Variants in PTPRC observed in about 807,000 individuals in gnomAD.
PTPRC encodes protein tyrosine phosphatase receptor type C, also known as receptor-type tyrosine-protein phosphatase C.
In PTPRC, 44 loss-of-function variants were observed where a neutral mutation model predicts 155.9. The ratio of observed to expected loss-of-function variants is 0.28; its 90% CI spans 0.22 to 0.36. The LOEUF is 0.36. Ranked by LOEUF, PTPRC falls within the 10% of genes least tolerant of loss-of-function variation. The pLI, the probability that PTPRC is intolerant of heterozygous loss-of-function variation, is 1.00. For missense variants in PTPRC, 1,401 were observed against 1,564.6 expected (o/e 0.90, Z 1.76); for synonymous variants, 525 against 533.1 (o/e 0.98, Z 0.21).
chr1:198,703,167 G>A (rs1319162546), intron 6 of PTPRC, 131 bp from the exon 7 acceptor site: 33 of 1,218,998 alleles, frequency 2.7e-5, no homozygotes, highest in Admixed American at 4.0e-5. Context: ...AAAAACAAGC[G>A]AATGTCAAAT....
At chr1:198,747,218 T>C (rs989124351) in intron 26 of PTPRC, among the ~76,000 whole-genome samples, 3 of 150,412 alleles carry the variant, frequency 2.0e-5, no homozygotes, top group African/African-American at 7.3e-5. Context: ...GAAAAGTTAT[T>C]AGAGCAACCA....
In PTPRC at chr1:198,749,422, A is replaced by G; in HGVS notation, c.2945A>G (p.Tyr982Cys). 1.9e-6 allele frequency: 3 copies of G among 1,608,812 alleles called. No individual in the cohort carries two copies. The highest frequency in any genetic ancestry group is 2.2e-5 in the South Asian group (2 of 90,966). The stretch of plus-strand genomic sequence containing the variant: ...ACTGATTTATTTCACATAGATGACT[A>G]TAACAGAGTGCCACTTAAACATGAG... ...NRNSNVIPYDYNRVPLKHELE... is the reference protein window; with the variant it reads ...NRNSNVIPYDCNRVPLKHELE... Residue 982 changes from tyrosine to cysteine, a missense_variant, in exon 28 of 33, where the codon TAT becomes TGT. Physicochemically the swap from Tyr to Cys is radical, Grantham distance 194 (BLOSUM62 -2). Coordinates refer to ENST00000442510, the MANE Select transcript of PTPRC (RefSeq NM_002838.5).
Position 198,756,527 on chromosome 1 carries a change from C to T in PTPRC, c.*346C>T, listed in dbSNP as rs919862679. The T allele has an allele frequency of 3.9e-5, 8 of 203,474 alleles. No individual in the cohort carries two copies. The highest frequency in any genetic ancestry group is 1.9e-4 in the South Asian group (2 of 10,810). 12.6% of individuals were successfully genotyped at this position (203,474 alleles called of 1,614,324 possible). A position where few individuals can be genotyped will look rare whatever the true frequency, so the allele number is the denominator to read the frequency against. On this transcript the variant is annotated 3_prime_UTR_variant, in exon 33 of 33. Coordinates refer to ENST00000442510, the MANE Select transcript of PTPRC (RefSeq NM_002838.5). ...GTGAATCTAAAAGCTTTTGCTTTTCCTTTGTTTTTATGAAGAAAAAATACA... is the reference window on the plus strand; with the variant it reads ...GTGAATCTAAAAGCTTTTGCTTTTCTTTTGTTTTTATGAAGAAAAAATACA...
rs370225108 is a variant in PTPRC at position 198,744,093 on chromosome 1, A to G, written c.2737A>G (p.Asn913Asp). The G allele has an allele frequency of 6.2e-7, 1 of 1,605,824 alleles. No homozygotes were observed. Among genetic ancestry groups the G allele is most frequent in the Non-Finnish European group, 8.5e-7 (1 of 1,173,262 alleles). ...ILIHQALVEYNQFGETEVNLS... is the reference protein window; with the variant it reads ...ILIHQALVEYDQFGETEVNLS... ...GATCCATCAGGCTTTGGTGGAATAC[A>G]ATCAGTTTGGAGAAACAGAAGTGAA... Residue 913 changes from asparagine to aspartate, a missense_variant, in exon 26 of 33, where the codon AAT becomes GAT. By Grantham distance (23) the Asn-to-Asp change is conservative (BLOSUM62 1). Transcript: ENST00000442510.
chr1:198,753,123 T>C (rs1172092167), intron 31 of PTPRC, among the ~76,000 whole-genome samples: 1 of 152,046 alleles, frequency 6.6e-6, no homozygotes, highest in African/African-American at 2.4e-5. Context: ...CTTACACATA[T>C]ACCCATATAC....
rs150766756 is a variant in PTPRC, at chr1:198,703,317, T to C, written c.603T>C (p.Ser201=). ...TTGCAGATGCCTACCTTAATGCCTC[T>C]GAAACAACCACTCTGAGCCCTTCTG... The part of the protein sequence containing the change: ...ANTSDAYLNA[S]ETTTLSPSGS... The change falls in exon 7 of 33, where the codon TCT becomes TCC. Residue 201 remains serine (S), a synonymous_variant. Coordinates refer to ENST00000442510, the MANE Select transcript of PTPRC (RefSeq NM_002838.5). The C allele has an allele frequency of 2.5e-6, 4 of 1,613,310 alleles. No homozygotes were observed. Among genetic ancestry groups the C allele is most frequent in the Non-Finnish European group, 3.4e-6 (4 of 1,180,028 alleles).
At chr1:198,647,228 C>T (rs1662987920) in intron 2 of PTPRC, among the ~76,000 whole-genome samples, 1 of 151,898 alleles carries the variant, frequency 6.6e-6, no homozygotes, top group Non-Finnish European at 1.5e-5. Context: ...TATTCTTCTG[C>T]TGTGATGATC....
At chr1:198,664,321 T>C (rs1475687274) in intron 2 of PTPRC, among the ~76,000 whole-genome samples, 2 of 152,188 alleles carry the variant, frequency 1.3e-5, no homozygotes, top group African/African-American at 4.8e-5. Flanking sequence ...AATTGCAAAC[T>C]GTTTTGGCAG....
intron 2 of PTPRC, among the ~76,000 whole-genome samples, chr1:198,668,238 G>T (rs990142297): frequency 2.0e-5 from 3 of 152,018 alleles, no homozygotes; most frequent in African/African-American, 4.8e-5. Context: ...TAGAGACAGG[G>T]TCTCACTATA....
In PTPRC at chr1:198,732,514, C is replaced by T. The variant is rs200818686; in HGVS notation, c.2100C>T (p.Asn700=). 8.1e-6 allele frequency: 13 copies of T among 1,610,858 alleles called. No homozygotes were observed. The highest frequency in any genetic ancestry group is 1.1e-5 in the South Asian group (1 of 90,992). The change falls in exon 20 of 33, where the codon AAC becomes AAT. Residue 700 remains asparagine, a synonymous_variant. Transcript: ENST00000442510. ...ACCGTGTTGAACTCTCTGAGATAAA[C>T]GGAGATGCAGGGTCAAACTACATAA... The part of the protein sequence containing the change: ...DYNRVELSEI[N]GDAGSNYINA...
chr1:198,644,105 T>C (rs1662798888), intron 2 of PTPRC, among the ~76,000 whole-genome samples: 1 of 151,934 alleles, frequency 6.6e-6, no homozygotes, highest in Admixed American at 6.6e-5. Context: ...AGAGAAATTT[T>C]TCATCAGTGC....
chr1:198,748,957 C>A (rs1475686936), intron 27 of PTPRC, among the ~76,000 whole-genome samples: 1 of 151,400 alleles, frequency 6.6e-6, no homozygotes, highest in African/African-American at 2.4e-5. Context: ...AATTAAGAAA[C>A]AGTGAGAAAT....
chr1:198,734,171 A>G (rs1327323058), intron 20 of PTPRC, 25 bp from the exon 21 acceptor site: 2 of 1,604,786 alleles, frequency 1.2e-6, no homozygotes, highest in Admixed American at 1.7e-5. Flanking sequence ...AGCAAATGAC[A>G]TATCTCTGCA....
At chr1:198,643,737 A>T (rs941236780) in intron 2 of PTPRC, among the ~76,000 whole-genome samples, 2 of 151,918 alleles carry the variant, frequency 1.3e-5, no homozygotes, top group East Asian at 3.9e-4. Flanking sequence ...ACACATACCC[A>T]TAGGAGAAAA....
At chr1:198,694,221 A>G in intron 3 of PTPRC, 3 of 1,342,772 alleles carry the variant, frequency 2.2e-6, no homozygotes, top group Non-Finnish European at 2.9e-6. Flanking sequence ...GAGAAAGATG[A>G]AGACCAGAAG....
At chr1:198,691,734 G>A (rs1480513766) in intron 2 of PTPRC, among the ~76,000 whole-genome samples, 1 of 152,010 alleles carries the variant, frequency 6.6e-6, no homozygotes, top group African/African-American at 2.4e-5. Context: ...CCTTTAGGTT[G>A]TAGCTTAAAT....
At chr1:198,648,840 TG>T (rs1485354043) in intron 2 of PTPRC, among the ~76,000 whole-genome samples, 2 of 151,834 alleles carry the variant, frequency 1.3e-5, no homozygotes, top group Admixed American at 1.3e-4. Flanking sequence ...ATGGAAAGAA[TG>T]GATTTTCCCC....
intron 11 of PTPRC, among the ~76,000 whole-genome samples, chr1:198,710,886 G>C (rs12733073): frequency 6.6e-6 from 1 of 152,174 alleles, no homozygotes; most frequent in African/African-American, 2.4e-5. Flanking sequence ...ACGGAGTCTC[G>C]CTCTGTTGCC....
chr1:198,720,694 C>T (rs1653845762), intron 14 of PTPRC, among the ~76,000 whole-genome samples: 1 of 152,118 alleles, frequency 6.6e-6, no homozygotes, highest in Non-Finnish European at 1.5e-5. Context: ...TCATTCCTTT[C>T]ATGCAGAGAA....
Sources: allele counts gnomAD v4.1 joint callset (sites outside exome capture counted in the v4.1 genomes callset), GRCh38; gene constraint gnomAD v4.1.1; transcripts MANE v1.5; gene names NCBI Gene and HGNC (gene_info 2026-07-23, HGNC 2026-07-21).